RELN: variants seen among roughly 807,000 people sequenced by gnomAD.
RELN encodes the protein reelin.
In RELN, 108 loss-of-function variants were observed where a neutral mutation model predicts 427.6. The observed-to-expected ratio is 0.25, with a 90% CI of 0.22 to 0.30. The LOEUF is 0.30. Ranked by LOEUF, RELN falls within the 10% of genes least tolerant of loss-of-function variation. The probability of loss-of-function intolerance (pLI) is 1.00; values close to 1 mark genes in which losing one functional copy is unlikely to be tolerated. For synonymous variants in RELN, 1,524 were observed against 1,513.4 expected, an observed-to-expected ratio of 1.01 and a Z score of -0.16; for missense variants, 3,715 against 4,302.8, an observed-to-expected ratio of 0.86 and a Z score of 3.82.
chr7:103,986,252 A>G (rs1367346764), intron 1 of RELN, among the ~76,000 whole-genome samples: 1 of 152,202 alleles, frequency 6.6e-6, no homozygotes, highest in Non-Finnish European at 1.5e-5. Flanking sequence ...ATACCAAATG[A>G]CATTTAATTG....
intron 1 of RELN, among the ~76,000 whole-genome samples, chr7:103,972,104 T>TA (rs1220327227): frequency 4.6e-5 from 7 of 151,940 alleles, no homozygotes; most frequent in Non-Finnish European, 7.4e-5. Context: ...AATAAAAAAA[T>TA]AAAAAAATCT....
chr7:103,884,942 A>G (rs1223079974), intron 2 of RELN, among the ~76,000 whole-genome samples: 1 of 152,192 alleles, frequency 6.6e-6, no homozygotes, highest in Non-Finnish European at 1.5e-5. Context: ...TATATACCCA[A>G]AGGATTATAA....
At chr7:103,659,653 C>G (rs1833095596) in intron 12 of RELN, among the ~76,000 whole-genome samples, 1 of 152,124 alleles carries the variant, frequency 6.6e-6, no homozygotes, top group African/African-American at 2.4e-5. Context: ...CCTCTATACT[C>G]TCATAGCATT....
At chr7:103,689,860 GT>G (rs1833838119) in intron 10 of RELN, among the ~76,000 whole-genome samples, 1 of 152,096 alleles carries the variant, frequency 6.6e-6, no homozygotes, top group African/African-American at 2.4e-5. Flanking sequence ...TACATCTAAT[GT>G]TTTTCTTTCA....
intron 2 of RELN, among the ~76,000 whole-genome samples, chr7:103,903,031 A>G (rs1795116085): frequency 6.6e-6 from 1 of 152,256 alleles, no homozygotes; most frequent in South Asian, 2.1e-4. Flanking sequence ...GAGTGTGAAC[A>G]TGGAACTCAT....
chr7:103,803,710 C>T (rs1164670225), intron 3 of RELN, among the ~76,000 whole-genome samples: 1 of 152,042 alleles, frequency 6.6e-6, no homozygotes, highest in Non-Finnish European at 1.5e-5. Flanking sequence ...GGCACTCCTG[C>T]AAATTATAAT....
intron 10 of RELN, among the ~76,000 whole-genome samples, chr7:103,685,691 A>G (rs1833751692): frequency 2.0e-5 from 3 of 152,100 alleles, no homozygotes; most frequent in Admixed American, 2.0e-4. Flanking sequence ...TCTAAGTACT[A>G]GTAGGTTACC....
At chr7:103,725,655 T>C (rs1345090875) in intron 7 of RELN, among the ~76,000 whole-genome samples, 3 of 152,210 alleles carry the variant, frequency 2.0e-5, no homozygotes, top group African/African-American at 4.8e-5. Flanking sequence ...TCTGAGAGCA[T>C]ATTTTCCTTT....
At chr7:103,972,252 C>T (rs1796778813) in intron 1 of RELN, among the ~76,000 whole-genome samples, 2 of 152,104 alleles carry the variant, frequency 1.3e-5, no homozygotes, top group African/African-American at 4.8e-5. Context: ...ACACATATAG[C>T]TGAGTGAGAA....
intron 27 of RELN, among the ~76,000 whole-genome samples, chr7:103,593,224 T>C (rs113851601): frequency 8.7e-4 from 132 of 152,304 alleles, no homozygotes; most frequent in African/African-American, 3.1e-3. Context: ...CAAGAAGCTT[T>C]TAAGAGAACA....
chr7:103,547,486 A>G (rs952841280), intron 41 of RELN, among the ~76,000 whole-genome samples: 10 of 152,070 alleles, frequency 6.6e-5, no homozygotes, highest in South Asian at 2.1e-4. Context: ...TAATAGAGAT[A>G]GGGTTTCATC....
chr7:103,754,702 G>A (rs1791090445), intron 4 of RELN, among the ~76,000 whole-genome samples: 1 of 152,162 alleles, frequency 6.6e-6, no homozygotes, highest in Non-Finnish European at 1.5e-5. Context: ...CCTGAGGCCA[G>A]GAGTTTGAGG....
Position 103,510,902 on chromosome 7 carries a change from A to G in RELN, c.8223T>C (p.Tyr2741=), listed in dbSNP as rs1829386190. The stretch of plus-strand genomic sequence containing the variant: ...TGGGAGTCAGGTCATGGGTCACTGC[A>G]TACACCTCCCGTCCATCATGACTGC... ...LCGSHDGREV[Y]AVTHDLTPTE... The change falls in exon 51 of 65, where the codon TAT becomes TAC. Residue 2741 remains tyrosine, a synonymous_variant. Transcript: ENST00000428762. 3.7e-6 allele frequency: 6 copies of G among 1,613,678 alleles called. No individual in the cohort carries two copies. The highest frequency in any genetic ancestry group is 5.1e-6 in the Non-Finnish European group (6 of 1,179,638).
intron 28 of RELN, among the ~76,000 whole-genome samples, chr7:103,587,325 A>G (rs562675824): frequency 6.6e-6 from 1 of 152,356 alleles, no homozygotes; most frequent in East Asian, 1.9e-4. Flanking sequence ...TTGAATAGCC[A>G]CATGCAGAAG....
intron 53 of RELN, among the ~76,000 whole-genome samples, chr7:103,499,548 T>TTCTATCTA (rs142854271): frequency 6.6e-6 from 1 of 152,086 alleles, no homozygotes; most frequent in African/African-American, 2.4e-5. Context: ...TTAAGGAGAG[T>TTCTATCTA]TCTATCTTAC....
chr7:103,652,606 G>C lies in RELN; in HGVS notation c.1708C>G (p.His570Asp), dbSNP rs374546580. 39 of 1,612,810 alleles carry C rather than the reference G, an allele frequency of 2.4e-5. No homozygotes were observed. The African/African-American group carries it at 5.2e-4, about 22-fold the overall frequency. ...VLPVLPSTMS[H>D]MIQFSINLGC... The stretch of plus-strand genomic sequence containing the variant: ...AGATTGATGGAAAACTGTATCATGT[G>C]AGACATTGTAGAAGGGAGAACAGGC... The change falls in exon 14 of 65, where the codon CAC (histidine) becomes GAC (aspartate). Residue 570 changes from histidine to aspartate, a missense_variant. By Grantham distance (81) the His-to-Asp change is moderately conservative. Transcript: ENST00000428762.
intron 1 of RELN, among the ~76,000 whole-genome samples, chr7:103,959,234 T>C (rs1434119233): frequency 6.6e-6 from 1 of 152,168 alleles, no homozygotes; most frequent in African/African-American, 2.4e-5. Flanking sequence ...CGAGCCATCA[T>C]GCCTGGCTGA....
At chr7:103,844,765 G>C (rs961945300) in intron 2 of RELN, among the ~76,000 whole-genome samples, 1 of 152,142 alleles carries the variant, frequency 6.6e-6, no homozygotes, top group East Asian at 1.9e-4. Flanking sequence ...CATATTGTGA[G>C]GATTAAATGC....
intron 1 of RELN, among the ~76,000 whole-genome samples, chr7:103,948,620 C>G (rs892018455): frequency 1.3e-5 from 2 of 152,102 alleles, no homozygotes; most frequent in Non-Finnish European, 2.9e-5. Flanking sequence ...TTGCAGTGAG[C>G]TGAGATCACG....
Sources: gnomAD v4.1 joint callset for allele counts (sites outside exome capture counted in the v4.1 genomes callset) on GRCh38, gnomAD v4.1.1 for gene constraint, MANE v1.5 for transcripts, NCBI Gene and HGNC (gene_info 2026-07-23, HGNC 2026-07-21) for gene names.